Variants in MAF observed in about 807,000 individuals in gnomAD.
MAF encodes transcription factor Maf.
Under a neutral mutation model 22.0 loss-of-function variants are expected in MAF, and 10 were observed. The ratio of observed to expected loss-of-function variants is 0.45; its 90% CI spans 0.28 to 0.77. The LOEUF (loss-of-function observed/expected upper bound fraction) is 0.77. Ranked by LOEUF, MAF falls within the 30% of genes least tolerant of loss-of-function variation. MAF has a pLI of 0.12. For synonymous variants in MAF, 337 were observed against 255.8 expected (o/e 1.32, Z -3.03); for missense variants, 544 against 548.4 (o/e 0.99, Z 0.08).
chr16:79,382,721 G>A, the MAF span, among the ~76,000 whole-genome samples: 3 of 152,166 alleles, frequency 2.0e-5, no homozygotes, highest in Admixed American at 6.5e-5. Context: ...GTTGATCAGA[G>A]CATCATATCT....
At chr16:79,315,069 T>C in the MAF span, among the ~76,000 whole-genome samples, 1 of 152,240 alleles carries the variant, frequency 6.6e-6, no homozygotes, top group African/African-American at 2.4e-5. Flanking sequence ...ATTATTAATT[T>C]CATTTATTCA....
the MAF span, among the ~76,000 whole-genome samples, chr16:79,463,693 G>A: frequency 2.0e-5 from 3 of 152,200 alleles, no homozygotes; most frequent in South Asian, 2.1e-4. Flanking sequence ...GGCATTGGAC[G>A]TGTAAATAGG....
the MAF span, among the ~76,000 whole-genome samples, chr16:79,427,570 T>C: frequency 1.3e-5 from 2 of 152,176 alleles, no homozygotes; most frequent in South Asian, 4.2e-4. Context: ...CTGGTCAGGC[T>C]ACTTCTTTCT....
chr16:79,524,334 A>G, the MAF span, among the ~76,000 whole-genome samples: 11 of 152,226 alleles, frequency 7.2e-5, no homozygotes, highest in Admixed American at 4.6e-4. Flanking sequence ...TCTTAAGGAT[A>G]ACGCCTTCCT....
At chr16:79,324,823 C>A in the MAF span, among the ~76,000 whole-genome samples, 1 of 152,168 alleles carries the variant, frequency 6.6e-6, no homozygotes, top group Non-Finnish European at 1.5e-5. Context: ...CAACACAAAT[C>A]TATTCTCTTA....
chr16:79,274,485 ACT>A, the MAF span, among the ~76,000 whole-genome samples: 3 of 151,986 alleles, frequency 2.0e-5, no homozygotes, highest in Non-Finnish European at 4.4e-5. Context: ...CACCCTGGAG[ACT>A]CTGGTGTCCA....
the MAF span, among the ~76,000 whole-genome samples, chr16:79,294,610 G>T: frequency 1.3e-5 from 2 of 152,280 alleles, no homozygotes; most frequent in Non-Finnish European, 2.9e-5. Context: ...TATCTTATTT[G>T]ATCCTTGACT....
At chr16:79,295,868 C>T in the MAF span, among the ~76,000 whole-genome samples, 2 of 152,212 alleles carry the variant, frequency 1.3e-5, no homozygotes, top group Non-Finnish European at 2.9e-5. Context: ...AAACTGAAGC[C>T]ACGTTCTTTG....
At chr16:79,580,527 G>C in the MAF span, among the ~76,000 whole-genome samples, 1 of 152,166 alleles carries the variant, frequency 6.6e-6, no homozygotes, top group Non-Finnish European at 1.5e-5. Context: ...TGCAGAGACA[G>C]TACCTCGGGG....
chr16:79,327,036 A>G, the MAF span, among the ~76,000 whole-genome samples: 1 of 152,252 alleles, frequency 6.6e-6, no homozygotes, highest in African/African-American at 2.4e-5. Context: ...TTCTGGCCTC[A>G]CAGTCTGCAT....
the MAF span, among the ~76,000 whole-genome samples, chr16:79,323,277 G>T: frequency 5.3e-5 from 8 of 151,286 alleles, no homozygotes; most frequent in Non-Finnish European, 1.5e-5. Context: ...ACATGGAGAG[G>T]CTGCAGGGAG....
At chr16:79,295,490 T>C in the MAF span, among the ~76,000 whole-genome samples, 1 of 152,196 alleles carries the variant, frequency 6.6e-6, no homozygotes, top group East Asian at 1.9e-4. Context: ...GTTGGCACAT[T>C]TGGTTGGCCA....
the MAF span, among the ~76,000 whole-genome samples, chr16:79,243,818 T>C: frequency 6.6e-6 from 1 of 151,968 alleles, no homozygotes; most frequent in Non-Finnish European, 1.5e-5. Flanking sequence ...AAATCCTCAA[T>C]AAAATACTGG....
the MAF span, chr16:79,211,764 A>G: frequency 6.2e-7 from 1 of 1,614,152 alleles, no homozygotes. Context: ...CGAGAGGCTG[A>G]TCCAAGAACG....
the MAF span, among the ~76,000 whole-genome samples, chr16:79,392,561 C>T: frequency 2.6e-5 from 4 of 151,868 alleles, no homozygotes; most frequent in African/African-American, 9.7e-5. Context: ...ACGGGTGGAA[C>T]CAGCTGTAAT....
the MAF span, among the ~76,000 whole-genome samples, chr16:79,392,344 G>A: frequency 2.7e-5 from 4 of 148,622 alleles, no homozygotes; most frequent in East Asian, 6.0e-4. Context: ...GGAGAGAGAA[G>A]GAAGGAGGGA....
At chr16:79,303,136 C>T in the MAF span, among the ~76,000 whole-genome samples, 120,423 of 152,028 alleles carry the variant, frequency 0.79, 49,025 homozygotes, top group Non-Finnish European at 0.88. Context: ...GGGTGGGAGG[C>T]GTCCCCACTC....
At chr16:79,211,218 G>C in the MAF span, among the ~76,000 whole-genome samples, 4 of 152,240 alleles carry the variant, frequency 2.6e-5, no homozygotes, top group African/African-American at 4.8e-5. Flanking sequence ...CAAACGATTT[G>C]GTATCGAATT....
At chr16:79,321,890 G>C in the MAF span, among the ~76,000 whole-genome samples, 1 of 152,044 alleles carries the variant, frequency 6.6e-6, no homozygotes, top group South Asian at 2.1e-4. Flanking sequence ...AAGCAGTAGA[G>C]ACCAAGACTT....
Sources: gnomAD v4.1 joint callset for allele counts (sites outside exome capture counted in the v4.1 genomes callset) on GRCh38, gnomAD v4.1.1 for gene constraint, MANE v1.5 for transcripts, NCBI Gene and HGNC (gene_info 2026-07-23, HGNC 2026-07-21) for gene names.